GLRA2: variants seen among roughly 807,000 people sequenced by gnomAD.
GLRA2 encodes glycine receptor subunit alpha-2.
Under a neutral mutation model 31.6 loss-of-function variants are expected in GLRA2, and 11 were observed. The ratio of observed to expected loss-of-function variants is 0.35; its 90% confidence interval spans 0.22 to 0.58. GLRA2 has a LOEUF of 0.58. Among genes scored for constraint, GLRA2 ranks in the 20% least tolerant of loss-of-function variants. The pLI is 0.84. For synonymous variants in GLRA2, 132 were observed against 134.0 expected (o/e 0.99, Z 0.10); for missense variants, 212 against 351.8 (o/e 0.60, Z 3.18).
intron 8 of GLRA2, 24 bp from the exon 9 acceptor site, chrX:14,730,183 C>T (rs1416010437): frequency 8.6e-7 from 1 of 1,156,618 alleles, no homozygotes; most frequent in Admixed American, 2.2e-5. Context: ...CCAATCTGTG[C>T]TTCCTCTGTC....
chrX:14,601,432 AG>A (rs1214666833), intron 4 of GLRA2, among the ~76,000 whole-genome samples: 1 of 111,934 alleles, frequency 8.9e-6, no homozygotes, highest in Non-Finnish European at 1.9e-5. Context: ...TATTGTTTGA[AG>A]AAAGGCACAG....
At chrX:14,542,941 G>A (rs1240467626) in intron 2 of GLRA2, among the ~76,000 whole-genome samples, 1 of 109,923 alleles carries the variant, frequency 9.1e-6, no homozygotes, top group African/African-American at 3.3e-5. Flanking sequence ...CAGTCAGTAG[G>A]GGCTTAGGAT....
At chrX:14,664,354 G>GT (rs1194037398) in intron 7 of GLRA2, among the ~76,000 whole-genome samples, 3 of 111,743 alleles carry the variant, frequency 2.7e-5, no homozygotes, top group Non-Finnish European at 3.8e-5. Context: ...TTGCTATATT[G>GT]TTTTTAATTT....
intron 2 of GLRA2, among the ~76,000 whole-genome samples, chrX:14,542,750 CAA>C (rs1446911079): frequency 9.1e-6 from 1 of 110,396 alleles, no homozygotes; most frequent in South Asian, 3.9e-4. Flanking sequence ...CTCATTGCCA[CAA>C]AGAGTCTGTT....
chrX:14,622,478 G>GGGTTTTAT (rs2090532768), intron 7 of GLRA2, among the ~76,000 whole-genome samples: 1 of 109,483 alleles, frequency 9.1e-6, no homozygotes, highest in Non-Finnish European at 1.9e-5. Context: ...TTTTCTTCTG[G>GGGTTTTAT]GGTTTTAGGT....
At chrX:14,665,547 C>T (rs2091029933) in intron 7 of GLRA2, among the ~76,000 whole-genome samples, 1 of 111,557 alleles carries the variant, frequency 9.0e-6, no homozygotes, top group Non-Finnish European at 1.9e-5. Flanking sequence ...ATAATAAATC[C>T]TCAAACGGCA....
intron 7 of GLRA2, among the ~76,000 whole-genome samples, chrX:14,675,640 G>GCC (rs1365257140): frequency 9.0e-6 from 1 of 111,516 alleles, no homozygotes; most frequent in Non-Finnish European, 1.9e-5. Context: ...ACTGGGATGG[G>GCC]CCAGGTAGTC....
the GLRA2 span, among the ~76,000 whole-genome samples, chrX:14,482,578 T>C: frequency 6.3e-5 from 7 of 111,402 alleles, no homozygotes; most frequent in Non-Finnish European, 1.1e-4. Context: ...ATATAAAAGC[T>C]AGTAATGGAC....
At chrX:14,481,089 A>G in the GLRA2 span, among the ~76,000 whole-genome samples, 2 of 111,114 alleles carry the variant, frequency 1.8e-5, no homozygotes, top group African/African-American at 6.5e-5. Context: ...ATGTTTCACC[A>G]CCTTGGTTAG....
intron 3 of GLRA2, among the ~76,000 whole-genome samples, chrX:14,577,381 G>A (rs748820658): frequency 1.2e-4 from 14 of 113,130 alleles, no homozygotes; most frequent in South Asian, 7.2e-4. Flanking sequence ...ATAAGAATGT[G>A]AGAATTGCTC....
At chrX:14,715,312 A>G (rs767243158) in intron 8 of GLRA2, among the ~76,000 whole-genome samples, 5 of 112,441 alleles carry the variant, frequency 4.4e-5, no homozygotes, top group African/African-American at 6.5e-5. Flanking sequence ...CCAGTATGCA[A>G]AAATAAGCCA....
intron 5 of GLRA2, among the ~76,000 whole-genome samples, chrX:14,604,799 A>G (rs1246368165): frequency 2.7e-5 from 3 of 110,381 alleles, no homozygotes; most frequent in Admixed American, 9.8e-5. Flanking sequence ...ATTTCTTTCC[A>G]TCTTATGCCC....
intron 7 of GLRA2, among the ~76,000 whole-genome samples, chrX:14,622,577 G>GC (rs929497506): frequency 4.5e-5 from 5 of 111,970 alleles, no homozygotes; most frequent in African/African-American, 1.6e-4. Flanking sequence ...CATATGGCTA[G>GC]CAAGTTTTCT....
chrX:14,650,748 G>T (rs1166883029), intron 7 of GLRA2, among the ~76,000 whole-genome samples: 1 of 111,440 alleles, frequency 9.0e-6, no homozygotes, highest in Non-Finnish European at 1.9e-5. Context: ...ACTTTCATTT[G>T]CATCCCAAAA....
At chrX:14,579,045 C>T (rs2089987657) in intron 3 of GLRA2, among the ~76,000 whole-genome samples, 1 of 112,110 alleles carries the variant, frequency 8.9e-6, no homozygotes, top group South Asian at 3.7e-4. Flanking sequence ...TCAAATCCTT[C>T]CCCACAACAG....
intron 4 of GLRA2, among the ~76,000 whole-genome samples, chrX:14,600,336 A>G (rs758681414): frequency 9.0e-6 from 1 of 111,398 alleles, no homozygotes; most frequent in Non-Finnish European, 1.9e-5. Context: ...AAACCAATAT[A>G]TAGTTGAATT....
intron 4 of GLRA2, among the ~76,000 whole-genome samples, chrX:14,583,138 A>G (rs1454064219): frequency 1.8e-5 from 2 of 111,814 alleles, no homozygotes; most frequent in African/African-American, 6.5e-5. Context: ...CACCAGTCAG[A>G]ATGGCTATTA....
rs1291979078 is a variant in GLRA2, at chrX:14,639,886, CAG to C, written c.930+30683_930+30684del. 4.5e-5 allele frequency among the ~76,000 whole-genome samples: 5 copies of C among 112,136 alleles called. No individual in the cohort carries two copies. The Admixed American group carries it at 4.7e-4, about 11-fold the overall frequency. On this transcript the variant is annotated intron_variant, in intron 7 of 8. Coordinates refer to ENST00000218075, the MANE Select transcript of GLRA2 (RefSeq NM_002063.4). ...TGTAATGATACAAAGAACTGCTACA[CAG>C]ATGTTAAAAATATTCATAGTAAAAA...
intron 2 of GLRA2, among the ~76,000 whole-genome samples, chrX:14,553,607 C>G (rs752696263): frequency 9.0e-6 from 1 of 111,586 alleles, no homozygotes; most frequent in Non-Finnish European, 1.9e-5. Flanking sequence ...TATCCCCGGT[C>G]CCTTACCACA....
Sources: gnomAD v4.1 joint callset for allele counts (sites outside exome capture counted in the v4.1 genomes callset) on GRCh38, gnomAD v4.1.1 for gene constraint, MANE v1.5 for transcripts, NCBI Gene and HGNC (gene_info 2026-07-23, HGNC 2026-07-21) for gene names.